The following BTBD16 variants were observed in gnomAD, a reference collection of about 807,000 sequenced individuals.
BTBD16 encodes the protein BTB domain containing 16, also known as BTB/POZ domain-containing protein 16.
A neutral mutation model predicts 67.4 loss-of-function variants in BTBD16; 66 were observed. The ratio of observed to expected loss-of-function variants is 0.98; its 90% confidence interval spans 0.80 to 1.20. BTBD16 has a LOEUF of 1.20. Ranked by LOEUF, BTBD16 falls within the 50% of genes most tolerant of loss-of-function variation. The pLI is 0.00. For synonymous variants in BTBD16, 242 were observed against 236.4 expected (o/e 1.02, Z -0.22); for missense variants, 634 against 616.0 (o/e 1.03, Z -0.31).
chr10:122,283,148 T>C (rs944058134), intron 3 of BTBD16, among the ~76,000 whole-genome samples: 7 of 151,910 alleles, frequency 4.6e-5, no homozygotes, highest in Non-Finnish European at 5.9e-5. Flanking sequence ...CAAGACCAAA[T>C]TTGCATTTTG....
At chr10:122,317,681 CA>C (rs1398546456) in intron 10 of BTBD16, among the ~76,000 whole-genome samples, 1 of 151,582 alleles carries the variant, frequency 6.6e-6, no homozygotes, top group Non-Finnish European at 1.5e-5. Context: ...AACAAAAAAA[CA>C]ACAAAAAAAA....
intron 10 of BTBD16, among the ~76,000 whole-genome samples, chr10:122,312,350 T>C (rs538435235): frequency 1.5e-5 from 2 of 137,452 alleles, no homozygotes; most frequent in East Asian, 4.4e-4. Flanking sequence ...TCTCGCTCTG[T>C]CTCCCAGGCT....
At chr10:122,296,478 G>A (rs1426264915) in intron 7 of BTBD16, among the ~76,000 whole-genome samples, 1 of 152,110 alleles carries the variant, frequency 6.6e-6, no homozygotes, top group Non-Finnish European at 1.5e-5. Context: ...CTGAGTTTAG[G>A]ACAACCATTG....
intron 10 of BTBD16, among the ~76,000 whole-genome samples, chr10:122,317,150 CAAAT>C (rs1433953267): frequency 6.6e-6 from 1 of 152,138 alleles, no homozygotes; most frequent in East Asian, 1.9e-4. Flanking sequence ...TCTTCAATAA[CAAAT>C]AAACTTTAGC....
At chr10:122,329,593 C>A in intron 11 of BTBD16, 22 bp downstream of exon 11, 2 of 1,606,508 alleles carry the variant, frequency 1.2e-6, no homozygotes, top group Non-Finnish European at 8.5e-7. Flanking sequence ...TCCAGGCGAG[C>A]GCATCCACGG....
At chr10:122,274,298 A>G (rs1244077050) in intron 1 of BTBD16, among the ~76,000 whole-genome samples, 1 of 152,218 alleles carries the variant, frequency 6.6e-6, no homozygotes, top group African/African-American at 2.4e-5. Context: ...ATCTGGATTG[A>G]AAAGAACCCT....
chr10:122,296,179 G>C (rs2096382802), intron 7 of BTBD16, among the ~76,000 whole-genome samples: 1 of 152,118 alleles, frequency 6.6e-6, no homozygotes, highest in Non-Finnish European at 1.5e-5. Context: ...TATGAAAACT[G>C]TGGATGTCTT....
At position 122,299,036 on chromosome 10, in the gene BTBD16, G is replaced by A. The variant is rs775574903; in HGVS notation, c.693G>A (p.Glu231=). Residue 231 remains glutamate (E), a synonymous_variant, in exon 9 of 16, where the codon GAG becomes GAA. Coordinates refer to ENST00000260723, the MANE Select transcript of BTBD16 (RefSeq NM_144587.5). The part of the protein sequence containing the change: ...YKEEQLTTGC[E]KWLEMNLVPL... ...AAGAGCAGCTCACCACCGGCTGCGAGAAGTGGCTGGAAATGAACTTGGTTC... is the reference window on the plus strand; with the variant it reads ...AAGAGCAGCTCACCACCGGCTGCGAAAAGTGGCTGGAAATGAACTTGGTTC... 5 of 1,613,950 alleles carry A rather than the reference G, an allele frequency of 3.1e-6. No individual in the cohort carries two copies. Among genetic ancestry groups the A allele is most frequent in the Non-Finnish European group, 4.2e-6 (5 of 1,180,026 alleles).
At position 122,336,751 on chromosome 10, in the gene BTBD16, C is replaced by G. The variant is rs2096463979; in HGVS notation, c.1452+69C>G. ...TTCTCTCCCCCATCCTTTTGGGGAT[C>G]ACTGGCTTCTAATCTCCAGTGCTCT... On this transcript the variant is annotated intron_variant, in intron 15 of 15. Coordinates refer to ENST00000260723, the MANE Select transcript of BTBD16 (RefSeq NM_144587.5). The G allele has an allele frequency of 2.9e-6, 4 of 1,374,750 alleles. No homozygotes were observed. In the African/African-American group the frequency reaches 4.4e-5, roughly 15 times the overall value. 85.2% of individuals were successfully genotyped at this position (1,374,750 alleles called of 1,614,324 possible). A position where few individuals can be genotyped will look rare whatever the true frequency, so the allele number is the denominator to read the frequency against.
chr10:122,320,845 C>T (rs2096434216), intron 10 of BTBD16, among the ~76,000 whole-genome samples: 1 of 152,024 alleles, frequency 6.6e-6, no homozygotes, highest in African/African-American at 2.4e-5. Flanking sequence ...TATTTTATGT[C>T]TATTTTTAAA....
rs944042584 is a variant in BTBD16 at position 122,283,335 on chromosome 10, G to A, written c.168-516G>A. ...AACAACACTCAGCATGCTGGCTTGG[G>A]CAACTGCAGGCTGGTGGTGCCATTT... is the stretch of plus-strand genomic sequence containing the variant. On this transcript the variant is annotated intron_variant, in intron 3 of 15. Transcript: ENST00000260723. Among the ~76,000 whole-genome samples, 8 of 152,218 alleles carry A rather than the reference G, an allele frequency of 5.3e-5. No homozygotes were observed. In the East Asian group the frequency reaches 7.7e-4, roughly 15 times the overall value.
chr10:122,336,376 T>C (rs1406977885), intron 14 of BTBD16, 118 bp from the exon 15 acceptor site: 3 of 854,934 alleles, frequency 3.5e-6, no homozygotes, highest in Admixed American at 3.9e-5. Flanking sequence ...AATTGGGAAA[T>C]GCCCTCTTGC....
chr10:122,337,989 A>G (rs1475331811), intron 15 of BTBD16, 28 bp from the exon 16 acceptor site: 2 of 1,588,348 alleles, frequency 1.3e-6, no homozygotes, highest in South Asian at 1.1e-5. Flanking sequence ...TAAAAGTCAC[A>G]TTCACTTTGT....
intron 1 of BTBD16, among the ~76,000 whole-genome samples, chr10:122,274,398 C>T (rs974475672): frequency 1.3e-5 from 2 of 152,342 alleles, no homozygotes; most frequent in African/African-American, 4.8e-5. Context: ...CACCCAGGTC[C>T]CTGCAGCTGC....
At chr10:122,300,568 A>T (rs1333310704) in intron 9 of BTBD16, among the ~76,000 whole-genome samples, 1 of 152,202 alleles carries the variant, frequency 6.6e-6, no homozygotes, top group African/African-American at 2.4e-5. Context: ...TTATTTCCTA[A>T]GAAAAAGAAT....
chr10:122,302,576 A>G (rs529967058), intron 9 of BTBD16, among the ~76,000 whole-genome samples: 2 of 152,214 alleles, frequency 1.3e-5, no homozygotes, highest in Admixed American at 6.5e-5. Context: ...AGAGCTATGC[A>G]TGTCCTCCTT....
In BTBD16 at chr10:122,291,416, C is replaced by T. The variant is rs182533612; in HGVS notation, c.590+222C>T. ...ACGCTAGTTTTAACCAAACGATTCT[C>T]GACTCACAGGAATGAAATGCAAATG... On this transcript the variant is annotated intron_variant, in intron 7 of 15. Coordinates refer to ENST00000260723, the MANE Select transcript of BTBD16 (RefSeq NM_144587.5). The T allele has an allele frequency of 1.8e-3, 860 of 467,054 alleles. 1 individual carries two copies. Among genetic ancestry groups the T allele is most frequent in the Non-Finnish European group, 2.5e-3 (694 of 275,344 alleles). 28.9% of individuals were successfully genotyped at this position (467,054 alleles called of 1,614,324 possible). A position where few individuals can be genotyped will look rare whatever the true frequency, so the allele number is the denominator to read the frequency against.
intron 1 of BTBD16, among the ~76,000 whole-genome samples, chr10:122,274,544 C>G (rs1218630532): frequency 1.2e-4 from 18 of 152,200 alleles, no homozygotes; most frequent in Admixed American, 1.2e-3. Flanking sequence ...TGTAACCCAA[C>G]AGCCCTGATA....
intron 1 of BTBD16, among the ~76,000 whole-genome samples, chr10:122,273,502 G>A (rs138725746): frequency 0.023 from 3,457 of 152,260 alleles, 66 homozygotes; most frequent in South Asian, 0.035. Flanking sequence ...CACTTTGGGA[G>A]GCCAAGGCAG....
Sources: gnomAD v4.1 joint callset for allele counts (sites outside exome capture counted in the v4.1 genomes callset) on GRCh38, gnomAD v4.1.1 for gene constraint, MANE v1.5 for transcripts, NCBI Gene and HGNC (gene_info 2026-07-23, HGNC 2026-07-21) for gene names.